Variants in TPD52L2 observed in about 807,000 individuals in gnomAD.
TPD52L2 encodes the protein TPD52 like 2, also known as tumor protein D54.
TPD52L2 carries 19 observed loss-of-function variants against 24.7 expected under a neutral mutation model. That is an observed-to-expected ratio of 0.77 (90% CI 0.54 to 1.13). The LOEUF (loss-of-function observed/expected upper bound fraction) is 1.13. Among genes scored for constraint, TPD52L2 ranks in the 50% most tolerant of loss-of-function variants. The probability of loss-of-function intolerance (pLI) is 0.00; values close to 1 mark genes in which losing one functional copy is unlikely to be tolerated. For missense variants in TPD52L2, 236 were observed against 250.4 expected, an observed-to-expected ratio of 0.94 and a Z score of 0.39; for synonymous variants, 104 against 100.2, an observed-to-expected ratio of 1.04 and a Z score of -0.23.
intron 5 of TPD52L2, chr20:63,885,975 T>C (rs934228978): frequency 1.4e-5 from 23 of 1,612,908 alleles, no homozygotes; most frequent in Non-Finnish European, 2.0e-5. Context: ...CCTCCCTTGC[T>C]TACACTTCGT....
intron 4 of TPD52L2, among the ~76,000 whole-genome samples, chr20:63,880,584 G>T (rs1372793251): frequency 6.6e-6 from 1 of 152,240 alleles, no homozygotes; most frequent in Non-Finnish European, 1.5e-5. Context: ...CAAGGTTAAA[G>T]ATGTCTTCAG....
intron 1 of TPD52L2, 27 bp from the exon 2 acceptor site, chr20:63,869,269 T>C (rs1414446745): frequency 6.2e-7 from 1 of 1,613,424 alleles, no homozygotes; most frequent in Non-Finnish European, 8.5e-7. Flanking sequence ...TATTTGACAC[T>C]TTGTGGCCTC....
Position 63,865,377 on chromosome 20 carries a change from C to T in TPD52L2, c.12C>T (p.Ala4=). The T allele has an allele frequency of 2.0e-6, 3 of 1,530,338 alleles. No homozygotes were observed. The highest frequency in any genetic ancestry group is 1.2e-5 in the South Asian group (1 of 82,886). 94.8% of individuals were successfully genotyped at this position (1,530,338 alleles called of 1,614,324 possible). A position where few individuals can be genotyped will look rare whatever the true frequency, so the allele number is the denominator to read the frequency against. Reference sequence around the variant, plus strand: ...GACGCCGCCCGAACATGGACTCCGCCGGCCAAGGTACCTGCCGGGCCCGGC... The same window carrying T: ...GACGCCGCCCGAACATGGACTCCGCTGGCCAAGGTACCTGCCGGGCCCGGC... The part of the protein sequence containing the change: MDS[A]GQDINLNSPN... The change falls in exon 1 of 7, where the codon GCC becomes GCT. Residue 4 remains alanine, a synonymous_variant. Transcript: ENST00000346249.
intron 5 of TPD52L2, among the ~76,000 whole-genome samples, chr20:63,883,350 G>A (rs2052969633): frequency 6.6e-6 from 1 of 152,214 alleles, no homozygotes; most frequent in African/African-American, 2.4e-5. Flanking sequence ...GGGCCAAGGA[G>A]TGAGCAGGGG....
intron 5 of TPD52L2, chr20:63,887,557 C>T (rs372281047): frequency 1.9e-6 from 3 of 1,613,296 alleles, no homozygotes; most frequent in African/African-American, 1.3e-5. Context: ...GCCATGCTTC[C>T]AAGCAGCAGC....
intron 5 of TPD52L2, among the ~76,000 whole-genome samples, chr20:63,884,655 G>A (rs1266344866): frequency 6.6e-6 from 1 of 152,192 alleles, no homozygotes; most frequent in African/African-American, 2.4e-5. Flanking sequence ...CCTGGGGTTG[G>A]CAGCTGACCC....
At position 63,884,194 on chromosome 20, in the gene TPD52L2, C is replaced by G. The variant is rs578185914; in HGVS notation, c.476+1374C>G. On this transcript the variant is annotated intron_variant, in intron 5 of 6. Coordinates refer to ENST00000346249, the MANE Select transcript of TPD52L2 (RefSeq NM_003288.4). Reference sequence around the variant, plus strand: ...GCTCCACACTCCCCAGCAGCTGTGACTTGGGGGGGTCCTTGTGGGGCACCC... The same window carrying G: ...GCTCCACACTCCCCAGCAGCTGTGAGTTGGGGGGGTCCTTGTGGGGCACCC... 5.9e-5 allele frequency among the ~76,000 whole-genome samples: 9 copies of G among 152,246 alleles called. No homozygotes were observed. The East Asian group carries it at 1.7e-3, about 29-fold the overall frequency.
At chr20:63,876,005 A>G in intron 4 of TPD52L2, 130 bp downstream of exon 4, 1 of 912,634 alleles carries the variant, frequency 1.1e-6, no homozygotes, top group Admixed American at 2.5e-5. Context: ...TTCTTCCTAT[A>G]ACTTTTCTTC....
At chr20:63,869,254 TAAC>T (rs2052371636) in intron 1 of TPD52L2, 39 bp from the exon 2 acceptor site, 1 of 1,611,456 alleles carries the variant, frequency 6.2e-7, no homozygotes, top group South Asian at 1.1e-5. Context: ...TACTTGGAAC[TAAC>T]TTATTTGACA....
chr20:63,865,474 CCT>C (rs2146158208), intron 1 of TPD52L2, 90 bp downstream of exon 1: 2 of 1,456,382 alleles, frequency 1.4e-6, no homozygotes, highest in Non-Finnish European at 1.8e-6. Context: ...GACTCTCTGT[CCT>C]CTCGGTCTCG....
intron 2 of TPD52L2, among the ~76,000 whole-genome samples, chr20:63,870,520 GTTTTTTT>G (rs959786861): frequency 2.1e-5 from 2 of 94,524 alleles, no homozygotes; most frequent in African/African-American, 4.3e-5. Context: ...ATAAGGTGAA[GTTTTTTT>G]TTTTTTTTTT....
At chr20:63,882,463 G>T (rs77631440) in intron 4 of TPD52L2, among the ~76,000 whole-genome samples, 100 of 152,378 alleles carry the variant, frequency 6.6e-4, no homozygotes, top group African/African-American at 2.2e-3. Flanking sequence ...TTGCAGGGCT[G>T]GGGGGCCGAG....
intron 1 of TPD52L2, among the ~76,000 whole-genome samples, chr20:63,865,976 A>G (rs1410612644): frequency 2.0e-5 from 3 of 152,214 alleles, no homozygotes; most frequent in Non-Finnish European, 2.9e-5. Context: ...CAGTCTCCCC[A>G]GAGCAGTATG....
chr20:63,883,316 G>T (rs2146229625), intron 5 of TPD52L2, among the ~76,000 whole-genome samples: 1 of 152,316 alleles, frequency 6.6e-6, no homozygotes, highest in African/African-American at 2.4e-5. Context: ...CTGGCCATCA[G>T]AGGTCCCTCA....
intron 4 of TPD52L2, among the ~76,000 whole-genome samples, chr20:63,878,519 C>T (rs2052775205): frequency 6.6e-6 from 1 of 152,216 alleles, no homozygotes; most frequent in African/African-American, 2.4e-5. Context: ...GGAGCACTCA[C>T]CAGGCAGAGA....
At chr20:63,876,804 T>C (rs565613502) in intron 4 of TPD52L2, 3 of 455,728 alleles carry the variant, frequency 6.6e-6, no homozygotes, top group East Asian at 1.4e-4. Context: ...GTTCTCGGCA[T>C]GTTGCCCCGG....
chr20:63,889,725 T>C (rs2053263194), intron 6 of TPD52L2, 125 bp from the exon 7 acceptor site: 1 of 900,732 alleles, frequency 1.1e-6, no homozygotes, highest in Non-Finnish European at 1.7e-6. Flanking sequence ...ATTTGCTCCC[T>C]GTCCCTGCTG....
chr20:63,886,099 G>A (rs977813348), intron 5 of TPD52L2: 19 of 1,579,084 alleles, frequency 1.2e-5, no homozygotes, highest in African/African-American at 9.4e-5. Flanking sequence ...GGGGCAGGGT[G>A]GACTCCGGCA....
At chr20:63,868,989 A>C (rs1568937349) in intron 1 of TPD52L2, among the ~76,000 whole-genome samples, 2 of 152,148 alleles carry the variant, frequency 1.3e-5, no homozygotes, top group Non-Finnish European at 2.9e-5. Flanking sequence ...CTCTGTAGCA[A>C]GGGTTTCCTG....
Sources: gnomAD v4.1 joint callset for allele counts (sites outside exome capture counted in the v4.1 genomes callset) on GRCh38, gnomAD v4.1.1 for gene constraint, MANE v1.5 for transcripts, NCBI Gene and HGNC (gene_info 2026-07-23, HGNC 2026-07-21) for gene names.